The following PTPRK variants were observed in gnomAD, a reference collection of about 807,000 sequenced individuals.
PTPRK encodes the protein protein tyrosine phosphatase receptor type K.
In PTPRK, 75 loss-of-function variants were observed where a neutral mutation model predicts 178.0. The ratio of observed to expected loss-of-function variants is 0.42; its 90% CI spans 0.35 to 0.51. PTPRK has a LOEUF of 0.51. Ranked by LOEUF, PTPRK falls within the 20% of genes least tolerant of loss-of-function variation. PTPRK has a pLI of 0.02. For missense variants in PTPRK, 1,441 were observed against 1,797.8 expected, an observed-to-expected ratio of 0.80 and a Z score of 3.59; for synonymous variants, 637 against 620.6, an observed-to-expected ratio of 1.03 and a Z score of -0.39.
At chr6:128,255,094 G>A (rs1269656209) in intron 3 of PTPRK, among the ~76,000 whole-genome samples, 2 of 152,180 alleles carry the variant, frequency 1.3e-5, no homozygotes, top group Admixed American at 1.3e-4. Context: ...GGGTTCAAGT[G>A]ATTCTCCTGC....
chr6:127,995,297 G>T, intron 18 of PTPRK, 165 bp downstream of exon 18: 1 of 1,605,622 alleles, frequency 6.2e-7, no homozygotes, highest in Non-Finnish European at 8.5e-7. Flanking sequence ...AGGTGTGAAA[G>T]AAAGCACAAC....
intron 3 of PTPRK, among the ~76,000 whole-genome samples, chr6:128,280,222 C>G (rs1328563567): frequency 2.0e-5 from 3 of 152,100 alleles, no homozygotes; most frequent in Non-Finnish European, 2.9e-5. Context: ...TTCTTGGTAA[C>G]CAGGTATCCT....
rs564882677 is a variant in PTPRK, at chr6:128,037,502, T to C, written c.2194+27256A>G. Among the ~76,000 whole-genome samples, 301 of 152,310 alleles carry C rather than the reference T, an allele frequency of 2.0e-3. 2 individuals are homozygous for C. The highest frequency in any genetic ancestry group is 6.8e-3 in the African/African-American group (284 of 41,568). On this transcript the variant is annotated intron_variant, in intron 13 of 29. Transcript: ENST00000368226. ...CTGCCTATCAAGATTTAAGAATGCA[T>C]ATCTTAAAATAATATTTACAAAATC... is the stretch of plus-strand genomic sequence containing the variant.
At chr6:127,983,087 A>G in intron 23 of PTPRK, 107 bp from the exon 24 acceptor site, 1 of 1,333,210 alleles carries the variant, frequency 7.5e-7, no homozygotes, top group Non-Finnish European at 1.0e-6. Flanking sequence ...ATATGAATTA[A>G]AACACCAATA....
At chr6:128,053,892 GAA>G (rs1050403414) in intron 13 of PTPRK, among the ~76,000 whole-genome samples, 1 of 152,034 alleles carries the variant, frequency 6.6e-6, no homozygotes, top group African/African-American at 2.4e-5. Context: ...AAAAAGGGAA[GAA>G]AAGAGAAAAG....
chr6:128,185,297 C>G (rs1802570152), intron 6 of PTPRK, among the ~76,000 whole-genome samples: 1 of 152,080 alleles, frequency 6.6e-6, no homozygotes, highest in South Asian at 2.1e-4. Flanking sequence ...TCTTTGGGAG[C>G]AGCATAAGAT....
chr6:128,190,396 G>A (rs1803561056), intron 6 of PTPRK, among the ~76,000 whole-genome samples: 1 of 140,120 alleles, frequency 7.1e-6, no homozygotes, highest in South Asian at 2.5e-4. Flanking sequence ...TTACTATTAA[G>A]TTTTATTTAC....
intron 2 of PTPRK, among the ~76,000 whole-genome samples, chr6:128,377,375 G>A (rs1320392855): frequency 2.0e-5 from 3 of 152,058 alleles, no homozygotes; most frequent in East Asian, 3.9e-4. Flanking sequence ...ATCAGATCTC[G>A]TAAGACCCAT....
At chr6:128,199,302 C>A (rs1030034979) in intron 6 of PTPRK, among the ~76,000 whole-genome samples, 8 of 152,232 alleles carry the variant, frequency 5.3e-5, no homozygotes, top group African/African-American at 1.9e-4. Context: ...TGCATAGCTA[C>A]ATGCAGCAAT....
chr6:128,348,589 C>T (rs1417688985), intron 2 of PTPRK, among the ~76,000 whole-genome samples: 1 of 151,896 alleles, frequency 6.6e-6, no homozygotes, highest in African/African-American at 2.4e-5. Flanking sequence ...CTTTTGTAAA[C>T]TGAAATATTT....
chr6:128,082,871 A>G (rs1785070210), intron 9 of PTPRK, among the ~76,000 whole-genome samples: 1 of 152,038 alleles, frequency 6.6e-6, no homozygotes, highest in African/African-American at 2.4e-5. Context: ...CCAAATCAAT[A>G]TACATCTATT....
intron 6 of PTPRK, among the ~76,000 whole-genome samples, chr6:128,210,754 A>G (rs1205343805): frequency 6.6e-6 from 1 of 152,120 alleles, no homozygotes; most frequent in Non-Finnish European, 1.5e-5. Flanking sequence ...GCATGGCAAC[A>G]TGAGAGTAGC....
intron 2 of PTPRK, among the ~76,000 whole-genome samples, chr6:128,393,964 T>C (rs1489260038): frequency 6.6e-6 from 1 of 152,084 alleles, no homozygotes; most frequent in Non-Finnish European, 1.5e-5. Flanking sequence ...AAATAGAATA[T>C]CATCACCAGC....
At chr6:128,381,355 T>A (rs575985013) in intron 2 of PTPRK, among the ~76,000 whole-genome samples, 106 of 152,192 alleles carry the variant, frequency 7.0e-4, no homozygotes, top group Non-Finnish European at 1.2e-3. Context: ...GATATCATTA[T>A]GCGTCAGAGT....
chr6:128,256,209 TGA>T (rs1240834332), intron 3 of PTPRK, among the ~76,000 whole-genome samples: 3 of 152,116 alleles, frequency 2.0e-5, no homozygotes, highest in African/African-American at 7.2e-5. Flanking sequence ...TAGAACGCTA[TGA>T]GAGTTCAGGG....
intron 13 of PTPRK, among the ~76,000 whole-genome samples, chr6:128,052,761 A>G (rs1338502538): frequency 6.6e-6 from 1 of 152,162 alleles, no homozygotes; most frequent in African/African-American, 2.4e-5. Flanking sequence ...CTATGTAAAT[A>G]CCTGGTTTCT....
chr6:128,411,547 G>A (rs770954825), intron 1 of PTPRK, among the ~76,000 whole-genome samples: 20 of 152,106 alleles, frequency 1.3e-4, no homozygotes, highest in Non-Finnish European at 2.8e-4. Context: ...GATATAAGTA[G>A]CAGCAAATTA....
intron 5 of PTPRK, among the ~76,000 whole-genome samples, chr6:128,220,420 G>A (rs893123403): frequency 1.6e-4 from 25 of 152,166 alleles, no homozygotes; most frequent in Non-Finnish European, 1.5e-5. Flanking sequence ...CGCTGAGAAA[G>A]AATTGGTCAT....
At chr6:128,176,935 C>T (rs543319467) in intron 7 of PTPRK, among the ~76,000 whole-genome samples, 1 of 151,572 alleles carries the variant, frequency 6.6e-6, no homozygotes, top group Non-Finnish European at 1.5e-5. Context: ...GTTATCCATA[C>T]CCATCTGTCA....
Sources: gnomAD v4.1 joint callset for allele counts (sites outside exome capture counted in the v4.1 genomes callset) on GRCh38, gnomAD v4.1.1 for gene constraint, MANE v1.5 for transcripts, NCBI Gene and HGNC (gene_info 2026-07-23, HGNC 2026-07-21) for gene names.